The following HADHA variants were observed in gnomAD, a reference collection of about 807,000 sequenced individuals.
HADHA encodes trifunctional enzyme subunit alpha, mitochondrial.
HADHA carries 59 observed loss-of-function variants against 91.3 expected under a neutral mutation model. That is an observed-to-expected ratio of 0.65 (90% CI 0.52 to 0.80). The LOEUF is 0.80. Ranked by LOEUF, HADHA falls within the 30% of genes least tolerant of loss-of-function variation. The pLI, the probability that HADHA is intolerant of heterozygous loss-of-function variation, is 0.00. For synonymous variants in HADHA, 320 were observed against 338.9 expected, an observed-to-expected ratio of 0.94 and a Z score of 0.61; for missense variants, 800 against 927.6, an observed-to-expected ratio of 0.86 and a Z score of 1.79.
At position 26,193,788 on chromosome 2, in the gene HADHA, T is replaced by G. The variant is rs1173083410; in HGVS notation, c.1690-16A>C. On this transcript the variant is annotated splice_polypyrimidine_tract_variant and intron_variant, in intron 16 of 19. Transcript: ENST00000380649. ...CAACTCCTTCCTGAACAGGAAGCGA[T>G]GCAGGGACCTCAGGGGAAGGGCAGC... 4 of 1,609,610 alleles carry G rather than the reference T, an allele frequency of 2.5e-6. No homozygotes were observed. The highest frequency in any genetic ancestry group is 3.4e-6 in the Non-Finnish European group (4 of 1,175,982).
At chr2:26,230,879 C>T (rs534036112) in intron 6 of HADHA, among the ~76,000 whole-genome samples, 9 of 152,096 alleles carry the variant, frequency 5.9e-5, no homozygotes, top group South Asian at 4.2e-4. Context: ...CGAGATCATG[C>T]CACTGTACTC....
At chr2:26,238,267 G>A (rs539571045) in intron 3 of HADHA, among the ~76,000 whole-genome samples, 1 of 152,264 alleles carries the variant, frequency 6.6e-6, no homozygotes, top group South Asian at 2.1e-4. Flanking sequence ...CGGCCATCCA[G>A]TGTTGGGATT....
chr2:26,198,754 AATC>A (rs1669750399), intron 13 of HADHA, among the ~76,000 whole-genome samples: 1 of 152,154 alleles, frequency 6.6e-6, no homozygotes, highest in South Asian at 2.1e-4. Flanking sequence ...GATTTTAGTT[AATC>A]AAGAGTGGAG....
chr2:26,211,108 G>T (rs1352779004), intron 10 of HADHA, among the ~76,000 whole-genome samples: 3 of 152,260 alleles, frequency 2.0e-5, no homozygotes, highest in Admixed American at 1.3e-4. Flanking sequence ...TTCATCAATG[G>T]TCAGAAATTT....
In HADHA at chr2:26,191,136, G is replaced by C; in HGVS notation, c.*114C>G. On this transcript the variant is annotated 3_prime_UTR_variant, in exon 20 of 20. Coordinates refer to ENST00000380649, the MANE Select transcript of HADHA (RefSeq NM_000182.5). Reference sequence around the variant, plus strand: ...GCACTTTAATCAGGGAGCAAACCCAGTGCCGGAGTTTGTCTTCTCGTTACT... The same window carrying C: ...GCACTTTAATCAGGGAGCAAACCCACTGCCGGAGTTTGTCTTCTCGTTACT... The C allele has an allele frequency of 9.4e-7, 1 of 1,063,462 alleles. No individual in the cohort carries two copies. The highest frequency in any genetic ancestry group is 1.3e-5 in the South Asian group (1 of 75,992). 65.9% of individuals were successfully genotyped at this position (1,063,462 alleles called of 1,614,324 possible).
rs570968910 is a variant in HADHA at position 26,202,284 on chromosome 2, C to T, written c.1221-964G>A. Reference sequence around the variant, plus strand: ...AGACATTCAACTGATTATTTTTCGTCGCCAAGGGAAACAGGTTCTCTTAGA... The same window carrying T: ...AGACATTCAACTGATTATTTTTCGTTGCCAAGGGAAACAGGTTCTCTTAGA... On this transcript the variant is annotated intron_variant, in intron 12 of 19. Transcript: ENST00000380649. Among the ~76,000 whole-genome samples the T allele has an allele frequency of 5.3e-5, 8 of 152,236 alleles. No homozygotes were observed. The South Asian group carries it at 8.3e-4, about 16-fold the overall frequency.
intron 4 of HADHA, among the ~76,000 whole-genome samples, chr2:26,236,339 A>ATGTGTG (rs752287719): frequency 0.19 from 20,607 of 109,790 alleles, 1,871 homozygotes; most frequent in Middle Eastern, 0.28. Flanking sequence ...AGATCACATG[A>ATGTGTG]TGTGTGTGTG....
chr2:26,192,660 C>T (rs772328778), intron 17 of HADHA, among the ~76,000 whole-genome samples: 8 of 151,946 alleles, frequency 5.3e-5, no homozygotes, highest in Non-Finnish European at 1.0e-4. Flanking sequence ...GCAGGAGGAT[C>T]GCTTGAACCC....
chr2:26,200,894 G>A (rs765863788), intron 13 of HADHA, among the ~76,000 whole-genome samples: 34 of 151,850 alleles, frequency 2.2e-4, no homozygotes, highest in East Asian at 5.8e-4. Context: ...CACCATGCCC[G>A]GCTAATTTTT....
intron 9 of HADHA, among the ~76,000 whole-genome samples, chr2:26,212,985 G>A (rs1436332121): frequency 6.6e-6 from 1 of 152,006 alleles, no homozygotes; most frequent in Admixed American, 6.6e-5. Flanking sequence ...TCACATTAAT[G>A]AACTCTACAA....
Position 26,221,837 on chromosome 2 carries a change from A to G in HADHA, c.677-6662T>C, listed in dbSNP as rs918251687. 6.6e-6 allele frequency among the ~76,000 whole-genome samples: 1 copy of G among 152,238 alleles called. No homozygotes were observed. Among genetic ancestry groups the G allele is most frequent in the Non-Finnish European group, 1.5e-5 (1 of 68,044 alleles). On this transcript the variant is annotated intron_variant, in intron 7 of 19. Coordinates refer to ENST00000380649, the MANE Select transcript of HADHA (RefSeq NM_000182.5). This position sits in a 1 kb window ranked among gnomAD's most constrained non-coding sequence, Gnocchi z 4.8. ...GTGAAGGGATAGCCTCCCAGTGGGC[A>G]GTACTTCTGACAGTGCACCCGGTTG... is the stretch of plus-strand genomic sequence containing the variant.
rs1670774369 is a variant in HADHA, at chr2:26,236,882, C to A, written c.287G>T (p.Gly96Val). 6.2e-7 allele frequency: 1 copy of A among 1,612,334 alleles called. No individual in the cohort carries two copies. Among genetic ancestry groups the A allele is most frequent in the Non-Finnish European group, 8.5e-7 (1 of 1,179,042 alleles). Residue 96 changes from glycine (G) to valine (V), a missense_variant, in exon 4 of 20, where the codon GGC becomes GTC. Coordinates refer to ENST00000380649, the MANE Select transcript of HADHA (RefSeq NM_000182.5). Reference protein sequence around the residue: ...RSAVLISSKPGCFIAGADINM... With the variant: ...RSAVLISSKPVCFIAGADINM... The stretch of plus-strand genomic sequence containing the variant: ...GATATCAGCACCTGCAATAAAGCAG[C>A]CTGGCTTTGATGAGATAAGGACGGC...
chr2:26,204,548 T>C (rs1669927719), intron 11 of HADHA, among the ~76,000 whole-genome samples: 1 of 152,192 alleles, frequency 6.6e-6, no homozygotes, highest in South Asian at 2.1e-4. Context: ...ATTGAACAAC[T>C]TATTTGTTAG....
At chr2:26,208,238 G>C (rs750237653) in intron 11 of HADHA, among the ~76,000 whole-genome samples, 2 of 151,730 alleles carry the variant, frequency 1.3e-5, no homozygotes, top group African/African-American at 2.4e-5. Context: ...TTGTTTTTTG[G>C]GGGACAGAAT....
rs1669469091 is a variant in HADHA at position 26,190,733 on chromosome 2, G to T, written c.*517C>A. The T allele has an allele frequency of 5.0e-6, 1 of 199,174 alleles. No individual in the cohort carries two copies. The highest frequency in any genetic ancestry group is 1.0e-5 in the Non-Finnish European group (1 of 96,306). The allele number at this position is 199,174 out of a possible 1,614,324, so 12.3% of individuals were successfully genotyped here. A position where few individuals can be genotyped will look rare whatever the true frequency, so the allele number is the denominator to read the frequency against. On this transcript the variant is annotated 3_prime_UTR_variant, in exon 20 of 20. Transcript: ENST00000380649. ...AGGTGTGTGTGGTTGAGCCCACCAG[G>T]TCCCACTTTCTCTCATCCCAGTCCC... is the stretch of plus-strand genomic sequence containing the variant.
In HADHA at chr2:26,190,854, C is replaced by G. The variant is rs1371429924; in HGVS notation, c.*396G>C. ...TTGCTTTTTGAAGGAGGCGTTTAAACCAGAAGGGCAAAGATGCTGACACAG... is the reference window on the plus strand; with the variant it reads ...TTGCTTTTTGAAGGAGGCGTTTAAAGCAGAAGGGCAAAGATGCTGACACAG... On this transcript the variant is annotated 3_prime_UTR_variant, in exon 20 of 20. Transcript: ENST00000380649. 3.3e-6 allele frequency: 1 copy of G among 302,128 alleles called. No homozygotes were observed. Among genetic ancestry groups the G allele is most frequent in the Non-Finnish European group, 6.3e-6 (1 of 157,906 alleles). 18.7% of individuals were successfully genotyped at this position (302,128 alleles called of 1,614,324 possible).
In HADHA at chr2:26,191,098, G is replaced by T; in HGVS notation, c.*152C>A. 2.7e-6 allele frequency: 2 copies of T among 738,338 alleles called. No homozygotes were observed. Among genetic ancestry groups the T allele is most frequent in the Non-Finnish European group, 2.4e-6 (1 of 420,658 alleles). The allele number at this position is 738,338 out of a possible 1,614,324, so 45.7% of individuals were successfully genotyped here. On this transcript the variant is annotated 3_prime_UTR_variant, in exon 20 of 20. Transcript: ENST00000380649. Reference sequence around the variant, plus strand: ...CACACTTCACCAGGAGGGAGAGATGGTCTTGGCTGAAGGCACTTTAATCAG... The same window carrying T: ...CACACTTCACCAGGAGGGAGAGATGTTCTTGGCTGAAGGCACTTTAATCAG...
intron 7 of HADHA, among the ~76,000 whole-genome samples, chr2:26,218,728 G>A (rs771925906): frequency 1.4e-4 from 21 of 151,978 alleles, no homozygotes; most frequent in Non-Finnish European, 5.9e-5. Context: ...TTGAAAACCG[G>A]CCAGGTGTGG....
intron 7 of HADHA, among the ~76,000 whole-genome samples, chr2:26,217,745 A>G (rs1244880714): frequency 4.0e-5 from 6 of 150,600 alleles, no homozygotes; most frequent in African/African-American, 7.3e-5. Context: ...TACAAAAAGA[A>G]TTTTTTTTTT....
Sources: allele counts gnomAD v4.1 joint callset (sites outside exome capture counted in the v4.1 genomes callset), GRCh38; gene constraint gnomAD v4.1.1; non-coding constraint Gnocchi (gnomAD v3.1); transcripts MANE v1.5; gene names NCBI Gene and HGNC (gene_info 2026-07-23, HGNC 2026-07-21).